PRKCG: variants seen among roughly 807,000 people sequenced by gnomAD.
PRKCG encodes the protein protein kinase C gamma.
A neutral mutation model predicts 82.0 loss-of-function variants in PRKCG; 28 were observed. The ratio of observed to expected loss-of-function variants is 0.34; its 90% confidence interval spans 0.25 to 0.47. PRKCG has a LOEUF of 0.47. Ranked by LOEUF, PRKCG falls within the 20% of genes least tolerant of loss-of-function variation. The pLI is 1.00. For missense variants in PRKCG, 640 were observed against 952.7 expected (o/e 0.67, Z 4.32); for synonymous variants, 383 against 376.6 (o/e 1.02, Z -0.20).
intron 14 of PRKCG, 71 bp from the exon 15 acceptor site, chr19:53,903,002 G>A: frequency 5.3e-6 from 6 of 1,130,202 alleles, no homozygotes; most frequent in African/African-American, 1.5e-5. Context: ...GCGCTCCCAG[G>A]GGGTGAGGCC....
At chr19:53,901,853 A>C (rs1474690998) in intron 14 of PRKCG, among the ~76,000 whole-genome samples, 5 of 150,654 alleles carry the variant, frequency 3.3e-5, no homozygotes, top group Non-Finnish European at 7.4e-5. Flanking sequence ...CTGTCTCAAA[A>C]AAAAAAAAAA....
chr19:53,904,473 G>A (rs2068786855), intron 15 of PRKCG, among the ~76,000 whole-genome samples, 162 bp from the exon 16 acceptor site: 1 of 148,048 alleles, frequency 6.8e-6, no homozygotes, highest in South Asian at 2.3e-4. Context: ...GAGAGATCAA[G>A]CTTTGGTGGT....
In PRKCG at chr19:53,906,858, G is replaced by C; in HGVS notation, c.2057G>C (p.Arg686Pro). The change falls in exon 18 of 18, where the codon CGC (arginine) becomes CCC (proline). Residue 686 changes from arginine (R) to proline (P), a missense_variant. Arg to Pro is a moderately radical substitution (Grantham distance 103). Transcript: ENST00000263431. ...VNPDFVHPDA[R>P]SPTSPVPVPV... Reference sequence around the variant, plus strand: ...CCCGACTTCGTGCACCCGGATGCCCGCAGCCCCACCAGCCCAGTGCCTGTG... The same window carrying C: ...CCCGACTTCGTGCACCCGGATGCCCCCAGCCCCACCAGCCCAGTGCCTGTG... 1 of 1,613,578 alleles carries C rather than the reference G, an allele frequency of 6.2e-7. No homozygotes were observed. The highest frequency in any genetic ancestry group is 8.5e-7 in the Non-Finnish European group (1 of 1,179,974).
At chr19:53,894,740 G>A (rs1458149706) in intron 9 of PRKCG, among the ~76,000 whole-genome samples, 3 of 152,194 alleles carry the variant, frequency 2.0e-5, no homozygotes, top group Non-Finnish European at 2.9e-5. Context: ...GATTAGAGGC[G>A]TGAGCGACCA....
rs899623579 is a variant in PRKCG, at chr19:53,883,607, T to G, written c.202+413T>G. 6.2e-5 allele frequency among the ~76,000 whole-genome samples: 3 copies of G among 48,114 alleles called. No homozygotes were observed. The highest frequency in any genetic ancestry group is 2.4e-4 in the Admixed American group (1 of 4,122). 31.6% of individuals were successfully genotyped at this position (48,114 alleles called of 152,430 possible). On this transcript the variant is annotated intron_variant, in intron 2 of 17. Coordinates refer to ENST00000263431, the MANE Select transcript of PRKCG (RefSeq NM_002739.5). The surrounding 1 kb of genome is among the most constrained non-coding windows in gnomAD (Gnocchi z 5.4). ...CCGGGTGGGGTCACCAATGGGCGAG[T>G]GGGGGCCGGGCGGGGCCGGCAGTTC...
At position 53,902,890 on chromosome 19, in the gene PRKCG, C is replaced by CAAAAAAAAAAA. The variant is rs56955659; in HGVS notation, c.1576-167_1576-157dup. On this transcript the variant is annotated intron_variant, in intron 14 of 17. Coordinates refer to ENST00000263431, the MANE Select transcript of PRKCG (RefSeq NM_002739.5). ...CCTGGGCAACAGAGTGAGACCCTGT[C>CAAAAAAAAAAA]AAAAAAAAAAAAAAAAAAAAAAAAA... is the stretch of plus-strand genomic sequence containing the variant. 0.01 allele frequency among the ~76,000 whole-genome samples: 204 copies of CAAAAAAAAAAA among 19,970 alleles called. 19 individuals carry two copies. The highest frequency in any genetic ancestry group is 0.025 in the African/African-American group (182 of 7,256). 13.1% of individuals were successfully genotyped at this position (19,970 alleles called of 152,430 possible). A position where few individuals can be genotyped will look rare whatever the true frequency, so the allele number is the denominator to read the frequency against.
chr19:53,906,695 C>T lies in PRKCG; in HGVS notation c.1906-12C>T, dbSNP rs373385715. On this transcript the variant is annotated splice_polypyrimidine_tract_variant and intron_variant, in intron 17 of 17. Coordinates refer to ENST00000263431, the MANE Select transcript of PRKCG (RefSeq NM_002739.5). ...GAGCTGCTTAACTTTCCCTCCCCCA[C>T]GTCTCCCACAGTGTGGCCGCAGCGG... The T allele has an allele frequency of 9.7e-5, 157 of 1,612,082 alleles. No individual in the cohort carries two copies. Among genetic ancestry groups the T allele is most frequent in the Non-Finnish European group, 1.2e-4 (141 of 1,179,932 alleles).
Position 53,898,219 on chromosome 19 carries a change from T to G in PRKCG, c.1092+108T>G. ...GGGAAGAGACTGGGCTCCTGCATCT[T>G]CAAATATGGTTAGGTTGGGCCGTTC... On this transcript the variant is annotated intron_variant, in intron 10 of 17. Transcript: ENST00000263431. 18 of 1,491,500 alleles carry G rather than the reference T, an allele frequency of 1.2e-5. No homozygotes were observed. In the South Asian group the frequency reaches 2.1e-4, roughly 18 times the overall value. 92.4% of individuals were successfully genotyped at this position (1,491,500 alleles called of 1,614,324 possible). A position where few individuals can be genotyped will look rare whatever the true frequency, so the allele number is the denominator to read the frequency against.
intron 11 of PRKCG, among the ~76,000 whole-genome samples, 168 bp downstream of exon 11, chr19:53,898,796 T>TG (rs1176102975): frequency 4.7e-4 from 3 of 6,372 alleles, no homozygotes; most frequent in African/African-American, 1.7e-3. Context: ...GGGGGGTCCT[T>TG]GGGGGGCGTG....
At chr19:53,899,480 A>G (rs970181738) in intron 11 of PRKCG, among the ~76,000 whole-genome samples, 5 of 152,200 alleles carry the variant, frequency 3.3e-5, no homozygotes, top group Non-Finnish European at 7.3e-5. Context: ...ACTTAGGGGC[A>G]GAGAGTCAGA....
chr19:53,883,385 T>C lies in PRKCG; in HGVS notation c.202+191T>C, dbSNP rs2068607553. Among the ~76,000 whole-genome samples, 1 of 145,784 alleles carries C rather than the reference T, an allele frequency of 6.9e-6. No homozygotes were observed. On this transcript the variant is annotated intron_variant, in intron 2 of 17. Coordinates refer to ENST00000263431, the MANE Select transcript of PRKCG (RefSeq NM_002739.5). The surrounding 1 kb of genome is among the most constrained non-coding windows in gnomAD (Gnocchi z 5.4). ...GATGGTGGGGCCACCGCGGAGGTGGTGCTGGGGGCCCCTCCCTCGGCCGGC... is the reference window on the plus strand; with the variant it reads ...GATGGTGGGGCCACCGCGGAGGTGGCGCTGGGGGCCCCTCCCTCGGCCGGC...
Position 53,882,478 on chromosome 19 carries a change from G to C in PRKCG, c.-17G>C. 6.2e-7 allele frequency: 1 copy of C among 1,611,358 alleles called. No individual in the cohort carries two copies. The highest frequency in any genetic ancestry group is 8.5e-7 in the Non-Finnish European group (1 of 1,178,700). On this transcript the variant is annotated 5_prime_UTR_variant, in exon 1 of 18. Transcript: ENST00000263431. This position sits in a 1 kb window ranked among gnomAD's most constrained non-coding sequence, Gnocchi z 6.1. ...CAAGAAAGGCAGGATCCTGGTCCCT[G>C]CTACGTTTCTGGGGCCATGGCTGGT... is the stretch of plus-strand genomic sequence containing the variant.
At chr19:53,893,110 C>T (rs753748263) in intron 8 of PRKCG, 35 bp downstream of exon 8, 5 of 1,578,016 alleles carry the variant, frequency 3.2e-6, no homozygotes, top group Non-Finnish European at 4.3e-6. Context: ...GGGAGCCCAG[C>T]CCAGCCTCCC....
intron 3 of PRKCG, among the ~76,000 whole-genome samples, chr19:53,888,537 A>T (rs1258959836): frequency 6.6e-6 from 1 of 152,176 alleles, no homozygotes; most frequent in Non-Finnish European, 1.5e-5. Context: ...CTTGCCCCAA[A>T]TCACACAGCT....
chr19:53,904,646 T>C lies in PRKCG; in HGVS notation c.1668T>C (p.Asp556=). ...CTCCACTTTGATAGCCTCCCTTCGA[T>C]GGGGAGGACGAGGAGGAGCTGTTTC... ...YEMLAGQPPF[D]GEDEEELFQA... is the part of the protein sequence containing the mutation. The change falls in exon 16 of 18, where the codon GAT becomes GAC. Residue 556 remains aspartate (D), a synonymous_variant. Transcript: ENST00000263431. 2.5e-6 allele frequency: 4 copies of C among 1,613,282 alleles called. No homozygotes were observed. Among genetic ancestry groups the C allele is most frequent in the Non-Finnish European group, 3.4e-6 (4 of 1,179,796 alleles).
intron 16 of PRKCG, 111 bp downstream of exon 16, chr19:53,904,853 C>G: frequency 2.2e-6 from 2 of 902,872 alleles, no homozygotes; most frequent in Non-Finnish European, 3.6e-6. Context: ...TTACTTCCAT[C>G]TGTTGGAAAA....
chr19:53,888,396 A>T (rs985246503), intron 3 of PRKCG, among the ~76,000 whole-genome samples: 7 of 152,160 alleles, frequency 4.6e-5, no homozygotes, highest in Non-Finnish European at 7.3e-5. Flanking sequence ...GTGGCAGGGG[A>T]GAAGGAGAAG....
In PRKCG at chr19:53,892,712, T is replaced by A; in HGVS notation, c.821+69T>A. The A allele has an allele frequency of 6.4e-7, 1 of 1,555,688 alleles. No homozygotes were observed. Among genetic ancestry groups the A allele is most frequent in the South Asian group, 1.2e-5 (1 of 84,924 alleles). On this transcript the variant is annotated intron_variant, in intron 7 of 17. Coordinates refer to ENST00000263431, the MANE Select transcript of PRKCG (RefSeq NM_002739.5). This position sits in a 1 kb window ranked among gnomAD's most constrained non-coding sequence, Gnocchi z 5.9. ...CATCTCCATCTGTGTGTGGTCTCTC[T>A]CCTCCAGGCCACTGTCCTTCCCTCT...
intron 15 of PRKCG, among the ~76,000 whole-genome samples, chr19:53,904,243 T>C (rs1405726407): frequency 6.6e-6 from 1 of 151,632 alleles, no homozygotes; most frequent in Non-Finnish European, 1.5e-5. Flanking sequence ...ATCTTTGCCT[T>C]GGTATCATTT....
Sources: allele counts gnomAD v4.1 joint callset (sites outside exome capture counted in the v4.1 genomes callset), GRCh38; gene constraint gnomAD v4.1.1; non-coding constraint Gnocchi (gnomAD v3.1); transcripts MANE v1.5; gene names NCBI Gene and HGNC (gene_info 2026-07-23, HGNC 2026-07-21).